The following ANGPT1 variants were observed in gnomAD, a reference collection of about 807,000 sequenced individuals.
The protein encoded by ANGPT1 is angiopoietin 1, also known as angiopoietin-1.
Under a neutral mutation model 62.2 loss-of-function variants are expected in ANGPT1, and 17 were observed. The observed-to-expected ratio is 0.27, with a 90% confidence interval of 0.19 to 0.41. The LOEUF is 0.41. ANGPT1 is among the 10% of genes least tolerant of loss of function. ANGPT1 has a pLI of 1.00. For missense variants in ANGPT1, 478 were observed against 594.9 expected, an observed-to-expected ratio of 0.80 and a Z score of 2.04; for synonymous variants, 199 against 198.9, an observed-to-expected ratio of 1.00 and a Z score of 0.00.
chr8:107,476,384 A>G (rs545430576), intron 1 of ANGPT1, among the ~76,000 whole-genome samples: 4 of 152,172 alleles, frequency 2.6e-5, no homozygotes, highest in Non-Finnish European at 4.4e-5. Flanking sequence ...GAAATGAACA[A>G]TGAGAACACT....
intron 1 of ANGPT1, among the ~76,000 whole-genome samples, chr8:107,384,474 AT>A (rs1816696487): frequency 6.6e-6 from 1 of 152,080 alleles, no homozygotes; most frequent in South Asian, 2.1e-4. Context: ...ACTTTGCTAT[AT>A]GAGAAGTTCT....
chr8:107,355,021 T>A (rs1816012720), intron 1 of ANGPT1, among the ~76,000 whole-genome samples: 1 of 151,626 alleles, frequency 6.6e-6, no homozygotes, highest in Admixed American at 6.6e-5. Context: ...AGTGGTTTCC[T>A]GCCTCGGCCT....
At chr8:107,286,474 A>T (rs1291717709) in intron 6 of ANGPT1, among the ~76,000 whole-genome samples, 1 of 152,076 alleles carries the variant, frequency 6.6e-6, no homozygotes, top group Non-Finnish European at 1.5e-5. Flanking sequence ...GAAACTAGAG[A>T]TTGGATGCAT....
intron 6 of ANGPT1, among the ~76,000 whole-genome samples, chr8:107,291,782 T>A (rs1814282497): frequency 6.6e-6 from 1 of 151,544 alleles, no homozygotes; most frequent in African/African-American, 2.4e-5. Flanking sequence ...ATCCCTCATA[T>A]ATTTTTAGAA....
chr8:107,250,417 GATTA>G lies in ANGPT1; in HGVS notation c.*1434_*1437del, dbSNP rs1031860699. 6.6e-6 allele frequency: 1 copy of G among 151,954 alleles called. No homozygotes were observed. The allele number at this position is 151,954 out of a possible 1,614,324, so 9.4% of individuals were successfully genotyped here. ...CAGAATTTCTTAGTCAGGTGACTAT[GATTA>G]ATTTTCTTTTTGTATATATTTCCCT... On this transcript the variant is annotated 3_prime_UTR_variant, in exon 9 of 9. Transcript: ENST00000517746.
At chr8:107,366,149 C>G (rs1435285866) in intron 1 of ANGPT1, among the ~76,000 whole-genome samples, 2 of 152,120 alleles carry the variant, frequency 1.3e-5, no homozygotes, top group African/African-American at 2.4e-5. Flanking sequence ...ACTATATGCC[C>G]AGTAATGTGC....
chr8:107,454,324 T>C (rs983253451), intron 1 of ANGPT1, among the ~76,000 whole-genome samples: 1 of 151,974 alleles, frequency 6.6e-6, no homozygotes, highest in African/African-American at 2.4e-5. Context: ...ATTTAGATTC[T>C]ATCTTTATTC....
At chr8:107,480,597 G>A (rs1812651900) in intron 1 of ANGPT1, among the ~76,000 whole-genome samples, 1 of 152,122 alleles carries the variant, frequency 6.6e-6, no homozygotes, top group Admixed American at 6.5e-5. Flanking sequence ...CTAATTGAAG[G>A]GGATCGATGA....
At chr8:107,261,820 G>A (rs1586167503) in intron 8 of ANGPT1, among the ~76,000 whole-genome samples, 1 of 152,136 alleles carries the variant, frequency 6.6e-6, no homozygotes, top group African/African-American at 2.4e-5. Flanking sequence ...ATCAACATAG[G>A]TGGCATGGAT....
intron 6 of ANGPT1, among the ~76,000 whole-genome samples, chr8:107,289,086 T>C (rs1230687304): frequency 6.6e-6 from 1 of 152,178 alleles, no homozygotes; most frequent in Non-Finnish European, 1.5e-5. Flanking sequence ...TGTTTAATGA[T>C]GTCAAACACA....
At chr8:107,478,982 C>T (rs539621537) in intron 1 of ANGPT1, among the ~76,000 whole-genome samples, 22 of 152,190 alleles carry the variant, frequency 1.4e-4, no homozygotes, top group African/African-American at 3.9e-4. Context: ...CTTTTTAAAA[C>T]GTGATTTTAA....
chr8:107,416,951 TG>T (rs1340159459), intron 1 of ANGPT1, among the ~76,000 whole-genome samples: 1 of 151,872 alleles, frequency 6.6e-6, no homozygotes, highest in African/African-American at 2.4e-5. Context: ...GCCACCATCT[TG>T]GCTAATTTTT....
chr8:107,426,896 G>C (rs1450872542), intron 1 of ANGPT1, among the ~76,000 whole-genome samples: 2 of 152,316 alleles, frequency 1.3e-5, no homozygotes, highest in African/African-American at 4.8e-5. Flanking sequence ...AAGTTCACCA[G>C]TGTGGTGCTG....
intron 1 of ANGPT1, among the ~76,000 whole-genome samples, chr8:107,374,140 G>C (rs1305581137): frequency 6.6e-6 from 1 of 152,108 alleles, no homozygotes; most frequent in Non-Finnish European, 1.5e-5. Context: ...CTCATAAAAA[G>C]GGCTTGCCAA....
chr8:107,400,051 G>A (rs1817014679), intron 1 of ANGPT1, among the ~76,000 whole-genome samples: 1 of 152,134 alleles, frequency 6.6e-6, no homozygotes, highest in Admixed American at 6.5e-5. Flanking sequence ...TTCTTAACAT[G>A]TAGGTATTTA....
chr8:107,334,623 C>T (rs749760356), intron 3 of ANGPT1, among the ~76,000 whole-genome samples: 9 of 151,946 alleles, frequency 5.9e-5, no homozygotes, highest in Non-Finnish European at 8.8e-5. Flanking sequence ...AAATTGTCAT[C>T]GTTTTACTTA....
At chr8:107,374,884 A>C (rs528206568) in intron 1 of ANGPT1, among the ~76,000 whole-genome samples, 1 of 152,180 alleles carries the variant, frequency 6.6e-6, no homozygotes, top group Non-Finnish European at 1.5e-5. Context: ...AAATCTGGCC[A>C]GGCGCGGTGG....
At chr8:107,385,263 A>G (rs1036526175) in intron 1 of ANGPT1, among the ~76,000 whole-genome samples, 1 of 152,050 alleles carries the variant, frequency 6.6e-6, no homozygotes, top group Non-Finnish European at 1.5e-5. Flanking sequence ...TTATCCATGA[A>G]CATGGAATGT....
intron 4 of ANGPT1, among the ~76,000 whole-genome samples, chr8:107,308,282 A>G (rs904187566): frequency 2.6e-5 from 4 of 152,184 alleles, no homozygotes; most frequent in Non-Finnish European, 5.9e-5. Flanking sequence ...CTTAAGCAAA[A>G]AGATAATTTA....
Sources: gnomAD v4.1 joint callset for allele counts (sites outside exome capture counted in the v4.1 genomes callset) on GRCh38, gnomAD v4.1.1 for gene constraint, MANE v1.5 for transcripts, NCBI Gene and HGNC (gene_info 2026-07-23, HGNC 2026-07-21) for gene names.